Variants in FBXO24 observed in about 807,000 individuals in gnomAD.
FBXO24 encodes the protein F-box protein 24.
Under a neutral mutation model 63.5 loss-of-function variants are expected in FBXO24, and 30 were observed. The ratio of observed to expected loss-of-function variants is 0.47; its 90% confidence interval spans 0.35 to 0.64. The LOEUF is 0.64. Ranked by LOEUF, FBXO24 falls within the 30% of genes least tolerant of loss-of-function variation. FBXO24 has a pLI of 0.00. For missense variants in FBXO24, 624 were observed against 763.4 expected (o/e 0.82, Z 2.15); for synonymous variants, 300 against 305.0 (o/e 0.98, Z 0.17).
Position 100,600,800 on chromosome 7 carries a change from G to T in FBXO24, c.1644G>T (p.Leu548=). ...KMKEIVGWMP[L]MAAQKDFFWE... Reference sequence around the variant, plus strand: ...AGGAGATCGTAGGGTGGATGCCCCTGATGGCCGCACAGAAGGACTTCTTCT... The same window carrying T: ...AGGAGATCGTAGGGTGGATGCCCCTTATGGCCGCACAGAAGGACTTCTTCT... The change falls in exon 10 of 10, where the codon CTG becomes CTT. Residue 548 remains leucine (L), a synonymous_variant. Transcript: ENST00000241071. The surrounding 1 kb of genome is among the most constrained non-coding windows in gnomAD (Gnocchi z 6.3). The T allele has an allele frequency of 1.2e-6, 2 of 1,614,112 alleles. No individual in the cohort carries two copies. Among genetic ancestry groups the T allele is most frequent in the Non-Finnish European group, 1.7e-6 (2 of 1,179,970 alleles).
At chr7:100,595,009 T>G in intron 6 of FBXO24, 93 bp from the exon 7 acceptor site, 1 of 1,544,438 alleles carries the variant, frequency 6.5e-7, no homozygotes, top group Non-Finnish European at 8.8e-7. Context: ...GGTATGAGAC[T>G]CCTTGGATCT....
intron 8 of FBXO24, among the ~76,000 whole-genome samples, chr7:100,596,372 T>C (rs1420330127): frequency 2.0e-5 from 3 of 152,020 alleles, no homozygotes; most frequent in African/African-American, 7.2e-5. Flanking sequence ...AGGAGGGGGA[T>C]AGGCACGAAA....
In FBXO24 at chr7:100,591,782, C is replaced by A; in HGVS notation, c.438C>A (p.Val146=). The part of the protein sequence containing the change: ...YRRFLPTKDH[V]FILDYVGTLF... Reference sequence around the variant, plus strand: ...GCTTCTTGCCCACCAAGGATCACGTCTTCATTCTTGACTACGTGGGGACCC... The same window carrying A: ...GCTTCTTGCCCACCAAGGATCACGTATTCATTCTTGACTACGTGGGGACCC... Residue 146 remains valine, a synonymous_variant, in exon 4 of 10, where the codon GTC becomes GTA. Transcript: ENST00000241071. 2 of 1,614,260 alleles carry A rather than the reference C, an allele frequency of 1.2e-6. No homozygotes were observed. The highest frequency in any genetic ancestry group is 1.7e-6 in the Non-Finnish European group (2 of 1,180,046).
Position 100,594,534 on chromosome 7 carries a change from C to T in FBXO24, c.945C>T (p.Tyr315=), listed in dbSNP as rs369063915. 38 of 1,598,782 alleles carry T rather than the reference C, an allele frequency of 2.4e-5. No homozygotes were observed. Among genetic ancestry groups the T allele is most frequent in the Admixed American group, 6.8e-5 (4 of 58,570 alleles). The change falls in exon 6 of 10, where the codon TAC becomes TAT. Residue 315 remains tyrosine (Y), a synonymous_variant. Coordinates refer to ENST00000241071, the MANE Select transcript of FBXO24 (RefSeq NM_033506.3). This position sits in a 1 kb window ranked among gnomAD's most constrained non-coding sequence, Gnocchi z 4.2. ...CTTCCAACCAGAGCAGCACCCTCTA[C>T]GTCACAGGTATGGACCACCTCCCCC... The part of the protein sequence containing the change: ...CMTSNQSSTL[Y]VTDQGGVYFE...
chr7:100,593,626 C>CAAAAAA (rs769155612), intron 5 of FBXO24, among the ~76,000 whole-genome samples: 1 of 58,982 alleles, frequency 1.7e-5, no homozygotes, highest in African/African-American at 6.3e-5. Context: ...GACTCCGTCT[C>CAAAAAA]AAAAAAAAAA....
rs1366663139 is a variant in FBXO24, at chr7:100,600,063, G to T, written c.1239G>T (p.Trp413Cys). 5 of 1,611,046 alleles carry T rather than the reference G, an allele frequency of 3.1e-6. No homozygotes were observed. The highest frequency in any genetic ancestry group is 4.2e-6 in the Non-Finnish European group (5 of 1,179,474). ...ACCTGCAGCGGCCCATCACCCTGTG[G>T]TGCGGCCTCAACCACTCCCTGGTGC... The part of the protein sequence containing the change: ...VCYLQRPITL[W>C]CGLNHSLVLS... Residue 413 changes from tryptophan to cysteine, a missense_variant, in exon 9 of 10, where the codon TGG (tryptophan) becomes TGT (cysteine). Transcript: ENST00000241071. This position sits in a 1 kb window ranked among gnomAD's most constrained non-coding sequence, Gnocchi z 6.3.
intron 1 of FBXO24, 94 bp downstream of exon 1, chr7:100,586,758 T>C: frequency 7.0e-7 from 1 of 1,419,360 alleles, no homozygotes; most frequent in Non-Finnish European, 9.9e-7. Flanking sequence ...GAGTGCGAGC[T>C]GGACGTGTTA....
chr7:100,595,619 T>C lies in FBXO24; in HGVS notation c.1119T>C (p.Asp373=), dbSNP rs1802269908. 6.8e-6 allele frequency: 11 copies of C among 1,613,314 alleles called. No homozygotes were observed. Among genetic ancestry groups the C allele is most frequent in the Non-Finnish European group, 9.3e-6 (11 of 1,179,496 alleles). ...ALGYNHLGLV[D]EFGRIFMQGN... is the part of the protein sequence containing the mutation. The stretch of plus-strand genomic sequence containing the variant: ...GCTACAACCACCTTGGCCTGGTGGA[T>C]GAATTTGGCCGAATCTTCATGCAAG... Residue 373 remains aspartate (D), a synonymous_variant, in exon 8 of 10, where the codon GAT becomes GAC. Coordinates refer to ENST00000241071, the MANE Select transcript of FBXO24 (RefSeq NM_033506.3).
At position 100,595,589 on chromosome 7, in the gene FBXO24, T is replaced by C; in HGVS notation, c.1089T>C (p.Ala363=). 3.7e-6 allele frequency: 6 copies of C among 1,610,674 alleles called. No homozygotes were observed. The highest frequency in any genetic ancestry group is 5.1e-6 in the Non-Finnish European group (6 of 1,177,884). ...LSLPAKILFC[A]LGYNHLGLVD... is the part of the protein sequence containing the mutation. Reference sequence around the variant, plus strand: ...TTGCACGCTAGATCCTATTCTGTGCTCTTGGCTACAACCACCTTGGCCTGG... The same window carrying C: ...TTGCACGCTAGATCCTATTCTGTGCCCTTGGCTACAACCACCTTGGCCTGG... Residue 363 remains alanine (A), a synonymous_variant, in exon 8 of 10, where the codon GCT becomes GCC. Coordinates refer to ENST00000241071, the MANE Select transcript of FBXO24 (RefSeq NM_033506.3).
intron 8 of FBXO24, among the ~76,000 whole-genome samples, chr7:100,599,047 T>C (rs967227155): frequency 1.3e-5 from 2 of 151,064 alleles, no homozygotes; most frequent in African/African-American, 2.4e-5. Flanking sequence ...ATGAGCAACA[T>C]AGTGAGACAC....
At chr7:100,593,078 C>A in intron 5 of FBXO24, 61 bp downstream of exon 5, 2 of 1,439,030 alleles carry the variant, frequency 1.4e-6, no homozygotes, top group Non-Finnish European at 1.9e-6. Flanking sequence ...GACCCTGCTG[C>A]AGAGGAGGGG....
intron 3 of FBXO24, among the ~76,000 whole-genome samples, chr7:100,591,238 C>T (rs1019419274): frequency 6.6e-6 from 1 of 151,664 alleles, no homozygotes; most frequent in Non-Finnish European, 1.5e-5. Flanking sequence ...GGTTTTGCCA[C>T]GTTGCCCAGG....
In FBXO24 at chr7:100,594,966, T is replaced by C; in HGVS notation, c.953-136T>C. On this transcript the variant is annotated intron_variant, in intron 6 of 9. Coordinates refer to ENST00000241071, the MANE Select transcript of FBXO24 (RefSeq NM_033506.3). This position sits in a 1 kb window ranked among gnomAD's most constrained non-coding sequence, Gnocchi z 4.2. ...TCGGTCTCAAAAGATGTGTTTTCAGTTCCCAGGCATCATAGTTGATGCATT... is the reference window on the plus strand; with the variant it reads ...TCGGTCTCAAAAGATGTGTTTTCAGCTCCCAGGCATCATAGTTGATGCATT... The C allele has an allele frequency of 1.0e-5, 13 of 1,256,788 alleles. No homozygotes were observed. In the South Asian group the frequency reaches 1.9e-4, roughly 19 times the overall value. The allele number at this position is 1,256,788 out of a possible 1,614,324, so 77.9% of individuals were successfully genotyped here. A position where few individuals can be genotyped will look rare whatever the true frequency, so the allele number is the denominator to read the frequency against.
At chr7:100,599,634 G>A (rs182588332) in intron 8 of FBXO24, 93 of 189,526 alleles carry the variant, frequency 4.9e-4, no homozygotes, top group African/African-American at 2.1e-3. Flanking sequence ...GATAGTGGAA[G>A]GGAAAGTCCT....
At chr7:100,593,183 G>C in intron 5 of FBXO24, 166 bp downstream of exon 5, 1 of 595,302 alleles carries the variant, frequency 1.7e-6, no homozygotes, top group African/African-American at 1.9e-5. Flanking sequence ...CTAGGATTCT[G>C]CTTAATATTT....
At chr7:100,586,837 G>A in intron 1 of FBXO24, 173 bp downstream of exon 1, 1 of 722,100 alleles carries the variant, frequency 1.4e-6, no homozygotes, top group Non-Finnish European at 2.5e-6. Context: ...ACTGGCGGTT[G>A]TCGCAGCTGA....
intron 8 of FBXO24, among the ~76,000 whole-genome samples, chr7:100,596,298 G>A (rs890770301): frequency 2.6e-5 from 4 of 152,170 alleles, no homozygotes; most frequent in Non-Finnish European, 4.4e-5. Flanking sequence ...GAAAAAAGAT[G>A]TGAGCAGGGC....
chr7:100,591,050 T>TC (rs1801995362), intron 3 of FBXO24, among the ~76,000 whole-genome samples: 1 of 147,192 alleles, frequency 6.8e-6, no homozygotes. Context: ...TTTTTTTTTT[T>TC]TTTTTGAGAC....
rs1205650273 is a variant in FBXO24, at chr7:100,600,879, C to A, written c.1723C>A (p.Pro575Thr). The change falls in exon 10 of 10, where the codon CCC (proline) becomes ACC (threonine). Residue 575 changes from proline (P) to threonine (T), a missense_variant. Physicochemically the swap from Pro to Thr is conservative, Grantham distance 38. Transcript: ENST00000241071. This position sits in a 1 kb window ranked among gnomAD's most constrained non-coding sequence, Gnocchi z 6.3. Reference protein sequence around the residue: ...RAEGGGGGVGPPAPET With the variant: ...RAEGGGGGVGTPAPET Reference sequence around the variant, plus strand: ...TGAAGGAGGCGGGGGTGGTGTAGGGCCCCCAGCCCCTGAGACCTAATCCCC... The same window carrying A: ...TGAAGGAGGCGGGGGTGGTGTAGGGACCCCAGCCCCTGAGACCTAATCCCC... 6.2e-7 allele frequency: 1 copy of A among 1,612,782 alleles called. No individual in the cohort carries two copies.
Sources: allele counts gnomAD v4.1 joint callset (sites outside exome capture counted in the v4.1 genomes callset), GRCh38; gene constraint gnomAD v4.1.1; non-coding constraint Gnocchi (gnomAD v3.1); transcripts MANE v1.5; gene names NCBI Gene and HGNC (gene_info 2026-07-23, HGNC 2026-07-21).